The following UGT1A6 variants were observed in gnomAD, a reference collection of about 807,000 sequenced individuals.
UGT1A6 encodes the protein UDP glucuronosyltransferase family 1 member A6.
UGT1A6 carries 32 observed loss-of-function variants against 44.4 expected under a neutral mutation model. The ratio of observed to expected loss-of-function variants is 0.72; its 90% CI spans 0.54 to 0.97. UGT1A6 has a LOEUF of 0.97. UGT1A6 is among the 50% of genes least tolerant of loss of function. The pLI, the probability that UGT1A6 is intolerant of heterozygous loss-of-function variation, is 0.00. For synonymous variants in UGT1A6, 238 were observed against 248.5 expected (o/e 0.96, Z 0.40); for missense variants, 685 against 661.9 (o/e 1.03, Z -0.38).
In UGT1A6 at chr2:233,693,772, A is replaced by G. The variant is rs2075180010; in HGVS notation, c.768A>G (p.Arg256=). The part of the protein sequence containing the change: ...LYQKVSVWLL[R]YDFVLEYPRP... ...AGAAGGTCTCTGTTTGGCTGTTAAG[A>G]TATGACTTTGTGCTTGAATATCCTA... Residue 256 remains arginine, a synonymous_variant, in exon 1 of 5, where the codon AGA becomes AGG. Transcript: ENST00000305139. The G allele has an allele frequency of 6.2e-7, 1 of 1,614,048 alleles. No individual in the cohort carries two copies. The highest frequency in any genetic ancestry group is 1.3e-5 in the African/African-American group (1 of 74,926).
At chr2:233,756,820 A>C (rs1170883344) in intron 1 of UGT1A6, among the ~76,000 whole-genome samples, 1 of 152,072 alleles carries the variant, frequency 6.6e-6, no homozygotes, top group Admixed American at 6.5e-5. Context: ...CTCAATTCCA[A>C]GGGGAAAATG....
At chr2:233,700,651 T>C (rs1028601197) in intron 1 of UGT1A6, among the ~76,000 whole-genome samples, 22 of 152,344 alleles carry the variant, frequency 1.4e-4, no homozygotes, top group African/African-American at 5.1e-4. Context: ...AGTGTTTACA[T>C]ATTTCTACTT....
intron 1 of UGT1A6, among the ~76,000 whole-genome samples, chr2:233,695,994 A>G (rs1020897173): frequency 6.6e-6 from 1 of 152,182 alleles, no homozygotes; most frequent in Admixed American, 6.5e-5. Flanking sequence ...CCACCTGAAG[A>G]TAGCATCAGG....
intron 1 of UGT1A6, among the ~76,000 whole-genome samples, chr2:233,748,399 G>T (rs1575689614): frequency 6.6e-6 from 1 of 151,790 alleles, no homozygotes; most frequent in East Asian, 1.9e-4. Context: ...AAGGAGCAGG[G>T]ACACTACATT....
At chr2:233,747,146 G>T in intron 1 of UGT1A6, 1 of 1,568,908 alleles carries the variant, frequency 6.4e-7, no homozygotes, top group Non-Finnish European at 8.6e-7. Flanking sequence ...AGGTAATTAA[G>T]ATGAAGAAAA....
chr2:233,737,540 C>T (rs191771735), intron 1 of UGT1A6, among the ~76,000 whole-genome samples: 164 of 152,332 alleles, frequency 1.1e-3, no homozygotes, highest in East Asian at 4.4e-3. Flanking sequence ...TGCCCTGCTT[C>T]GGCTTGCCCT....
At chr2:233,734,648 T>A (rs187362448) in intron 1 of UGT1A6, among the ~76,000 whole-genome samples, 1 of 152,330 alleles carries the variant, frequency 6.6e-6, no homozygotes, top group East Asian at 1.9e-4. Context: ...CCTGTGGGGA[T>A]TTAATGCTAT....
At chr2:233,696,371 G>A (rs1260182364) in intron 1 of UGT1A6, among the ~76,000 whole-genome samples, 2 of 151,972 alleles carry the variant, frequency 1.3e-5, no homozygotes, top group African/African-American at 4.8e-5. Context: ...TTATTCCTAG[G>A]TATTATATAT....
At position 233,758,345 on chromosome 2, in the gene UGT1A6, T is replaced by G. The variant is rs2125964411; in HGVS notation, c.862-8689T>G. Among the ~76,000 whole-genome samples, 4 of 152,362 alleles carry G rather than the reference T, an allele frequency of 2.6e-5. 1 individual carries two copies. In the Middle Eastern group the frequency reaches 0.01, roughly 389 times the overall value. On this transcript the variant is annotated intron_variant, in intron 1 of 4. Transcript: ENST00000305139. ...CCTCAAAAAGCTTGGAAGCTCTGCA[T>G]GATGCAGGAAAGTCATAAAATCATT...
chr2:233,743,731 G>T (rs373030535), intron 1 of UGT1A6: 5 of 1,367,244 alleles, frequency 3.7e-6, no homozygotes, highest in African/African-American at 3.0e-5. Context: ...CATAGATATC[G>T]CGTTTCTTGG....
chr2:233,737,721 C>CT (rs1222184655), intron 1 of UGT1A6, among the ~76,000 whole-genome samples: 6 of 151,320 alleles, frequency 4.0e-5, no homozygotes, highest in Non-Finnish European at 7.4e-5. Context: ...CCAACACCTC[C>CT]TTTTTTTTTC....
At chr2:233,750,488 T>A (rs1694469780) in intron 1 of UGT1A6, 1 of 151,920 alleles carries the variant, frequency 6.6e-6, no homozygotes, top group African/African-American at 2.4e-5. Context: ...TTTGCATAAG[T>A]AAGGAGGAGC....
intron 1 of UGT1A6, among the ~76,000 whole-genome samples, chr2:233,732,068 C>T (rs1485941196): frequency 6.6e-6 from 1 of 152,198 alleles, no homozygotes; most frequent in Non-Finnish European, 1.5e-5. Flanking sequence ...TGTCTGTTGG[C>T]TGCATAAATG....
intron 1 of UGT1A6, among the ~76,000 whole-genome samples, chr2:233,721,034 G>C (rs539792830): frequency 4.0e-4 from 61 of 152,224 alleles, no homozygotes; most frequent in Non-Finnish European, 6.9e-4. Flanking sequence ...TCTTGTGAGA[G>C]AATTGAGCCC....
chr2:233,729,876 T>A, intron 1 of UGT1A6: 1 of 1,597,258 alleles, frequency 6.3e-7, no homozygotes, highest in South Asian at 1.1e-5. Context: ...ATATTCTCAG[T>A]CATGCATCTG....
At chr2:233,735,012 T>C (rs1234170278) in intron 1 of UGT1A6, among the ~76,000 whole-genome samples, 1 of 152,238 alleles carries the variant, frequency 6.6e-6, no homozygotes, top group Non-Finnish European at 1.5e-5. Flanking sequence ...TGGAGAGTTC[T>C]GTAGATGTCT....
intron 1 of UGT1A6, chr2:233,729,470 C>T (rs746048603): frequency 1.9e-6 from 3 of 1,614,122 alleles, no homozygotes; most frequent in Admixed American, 1.7e-5. Flanking sequence ...AGAAGTATGG[C>T]AATGTTGAAC....
chr2:233,698,667 C>T (rs2075453581), intron 1 of UGT1A6, among the ~76,000 whole-genome samples: 2 of 152,000 alleles, frequency 1.3e-5, no homozygotes, highest in African/African-American at 4.8e-5. Flanking sequence ...AACTATTGGC[C>T]CAACTATAAA....
At position 233,768,314 on chromosome 2, in the gene UGT1A6, G is replaced by T. The variant is rs1430980091; in HGVS notation, c.1176G>T (p.Leu392Phe). The T allele has an allele frequency of 6.2e-7, 1 of 1,614,062 alleles. No individual in the cohort carries two copies. The highest frequency in any genetic ancestry group is 8.5e-7 in the Non-Finnish European group (1 of 1,180,048). Residue 392 changes from leucine (L) to phenylalanine (F), a missense_variant, in exon 4 of 5, where the codon TTG becomes TTT. Leu to Phe is a conservative substitution (Grantham distance 22). Transcript: ENST00000305139. ...CNGVPMVMMP[L>F]FGDQMDNAKR... is the part of the protein sequence containing the mutation. ...GCGTTCCCATGGTGATGATGCCCTT[G>T]TTTGGTGATCAGATGGACAATGCAA...
Sources: gnomAD v4.1 joint callset for allele counts (sites outside exome capture counted in the v4.1 genomes callset) on GRCh38, gnomAD v4.1.1 for gene constraint, MANE v1.5 for transcripts, NCBI Gene and HGNC (gene_info 2026-07-23, HGNC 2026-07-21) for gene names.